The following SQLE variants were observed in gnomAD, a reference collection of about 807,000 sequenced individuals.
SQLE encodes squalene epoxidase.
SQLE carries 29 observed loss-of-function variants against 60.7 expected under a neutral mutation model. That is an observed-to-expected ratio of 0.48 (90% CI 0.36 to 0.65). The LOEUF (loss-of-function observed/expected upper bound fraction) is 0.65. Ranked by LOEUF, SQLE falls within the 30% of genes least tolerant of loss-of-function variation. The probability of loss-of-function intolerance (pLI) is 0.00; values close to 1 mark genes in which losing one functional copy is unlikely to be tolerated. For synonymous variants in SQLE, 237 were observed against 246.8 expected (o/e 0.96, Z 0.37); for missense variants, 605 against 684.1 (o/e 0.88, Z 1.29).
At chr8:125,011,052 T>C (rs1466728698) in intron 6 of SQLE, 3 of 152,280 alleles carry the variant, frequency 2.0e-5, no homozygotes, top group Non-Finnish European at 4.4e-5. Context: ...ATTTCATTTT[T>C]ATAGATGAAG....
chr8:125,020,277 GT>G (rs1399151432), intron 9 of SQLE, among the ~76,000 whole-genome samples: 2 of 152,122 alleles, frequency 1.3e-5, no homozygotes, highest in African/African-American at 2.4e-5. Context: ...GGTTAAAAAG[GT>G]TATCAATTGA....
intron 1 of SQLE, among the ~76,000 whole-genome samples, chr8:125,001,551 G>A (rs1814853213): frequency 6.6e-6 from 1 of 151,486 alleles, no homozygotes; most frequent in East Asian, 1.9e-4. Context: ...AAAGGGGCTT[G>A]TCTTGCCCCC....
At chr8:125,006,004 G>A (rs538445357) in intron 3 of SQLE, among the ~76,000 whole-genome samples, 2 of 152,290 alleles carry the variant, frequency 1.3e-5, no homozygotes, top group South Asian at 4.1e-4. Flanking sequence ...TAAGGCATAA[G>A]TCCATTTGTG....
intron 7 of SQLE, among the ~76,000 whole-genome samples, chr8:125,013,345 GTTTTCT>G (rs201803850): frequency 4.1e-5 from 4 of 97,448 alleles, no homozygotes; most frequent in Non-Finnish European, 7.5e-5. Flanking sequence ...TTACTCCTAT[GTTTTCT>G]TTTTCTTTTT....
At chr8:125,019,002 G>A (rs1815158212) in intron 9 of SQLE, 1 of 317,974 alleles carries the variant, frequency 3.1e-6, no homozygotes, top group Non-Finnish European at 5.7e-6. Flanking sequence ...GATCATGCTT[G>A]TCCTCACACA....
At position 124,998,927 on chromosome 8, in the gene SQLE, G is replaced by T; in HGVS notation, c.-477G>T. 2.8e-6 allele frequency: 1 copy of T among 351,724 alleles called. No individual in the cohort carries two copies. 21.8% of individuals were successfully genotyped at this position (351,724 alleles called of 1,614,324 possible). On this transcript the variant is annotated 5_prime_UTR_variant, in exon 1 of 11. Coordinates refer to ENST00000265896, the MANE Select transcript of SQLE (RefSeq NM_003129.4). ...CGGCCGCTGCTCGCCGTCGCCAGAG[G>T]CTAGGCCACGTTTCCCCCAGTGCCG... is the stretch of plus-strand genomic sequence containing the variant.
chr8:125,016,313 CCT>C lies in SQLE; in HGVS notation c.1205-1743_1205-1742del, dbSNP rs757650186. Among the ~76,000 whole-genome samples the C allele has an allele frequency of 4.0e-5, 6 of 151,846 alleles. No individual in the cohort carries two copies. Among genetic ancestry groups the C allele is most frequent in the Non-Finnish European group, 8.8e-5 (6 of 67,976 alleles). Reference sequence around the variant, plus strand: ...TTGATTATTCTTTTTTCTTTTGTCTCCTCTGTGTATTTTCAAATAGCCTGTTT... The same window carrying C: ...TTGATTATTCTTTTTTCTTTTGTCTCCTGTGTATTTTCAAATAGCCTGTTT... On this transcript the variant is annotated intron_variant, in intron 7 of 10. Coordinates refer to ENST00000265896, the MANE Select transcript of SQLE (RefSeq NM_003129.4). This position sits in a 1 kb window ranked among gnomAD's most constrained non-coding sequence, Gnocchi z 4.1.
chr8:125,000,149 A>G, intron 1 of SQLE: 1 of 417,504 alleles, frequency 2.4e-6, no homozygotes, highest in Non-Finnish European at 4.7e-6. Flanking sequence ...CAGAAGGAGA[A>G]TGCTCAACAT....
intron 3 of SQLE, 119 bp from the exon 4 acceptor site, chr8:125,007,272 C>T (rs868462011): frequency 4.8e-5 from 26 of 544,286 alleles, no homozygotes; most frequent in African/African-American, 9.6e-5. Context: ...ACATTGGACA[C>T]GTGTTTGCAC....
At position 125,018,199 on chromosome 8, in the gene SQLE, G is replaced by A. The variant is rs200005717; in HGVS notation, c.1345G>A (p.Glu449Lys). 205 of 1,607,892 alleles carry A rather than the reference G, an allele frequency of 1.3e-4. No homozygotes were observed. Among genetic ancestry groups the A allele is most frequent in the East Asian group, 3.6e-4 (16 of 44,836 alleles). Residue 449 changes from glutamate to lysine, a missense_variant and splice_region_variant, in exon 8 of 11, where the codon GAG becomes AAG. Glu to Lys is a moderately conservative substitution (Grantham distance 56, BLOSUM62 1). Coordinates refer to ENST00000265896, the MANE Select transcript of SQLE (RefSeq NM_003129.4). ...CCTTTATGATGATGCAGCTATTTTC[G>A]AGGTAAGATCAATTATTTTGACAAA... ...PDLYDDAAIFEAKKSFYWARK... is the reference protein window; with the variant it reads ...PDLYDDAAIFKAKKSFYWARK...
rs1359014959 is a variant in SQLE at position 125,016,900 on chromosome 8, A to G, written c.1205-1159A>G. On this transcript the variant is annotated intron_variant, in intron 7 of 10. Coordinates refer to ENST00000265896, the MANE Select transcript of SQLE (RefSeq NM_003129.4). The surrounding 1 kb of genome is among the most constrained non-coding windows in gnomAD (Gnocchi z 4.1). ...GGTACCGCCTTGGTGGTCTTGGGTAATATCTGGGAGAATTCCCTGGATTAT... is the reference window on the plus strand; with the variant it reads ...GGTACCGCCTTGGTGGTCTTGGGTAGTATCTGGGAGAATTCCCTGGATTAT... Among the ~76,000 whole-genome samples, 1 of 152,154 alleles carries G rather than the reference A, an allele frequency of 6.6e-6. No individual in the cohort carries two copies. The highest frequency in any genetic ancestry group is 2.4e-5 in the African/African-American group (1 of 41,444).
intron 6 of SQLE, among the ~76,000 whole-genome samples, chr8:125,009,874 G>T (rs1386691320): frequency 6.6e-6 from 1 of 152,042 alleles, no homozygotes; most frequent in African/African-American, 2.4e-5. Flanking sequence ...GGCATATATG[G>T]TATTTTTAAA....
Position 124,999,256 on chromosome 8 carries a change from G to A in SQLE, c.-148G>A, listed in dbSNP as rs1814800374. On this transcript the variant is annotated 5_prime_UTR_variant, in exon 1 of 11. Transcript: ENST00000265896. ...TTATATGATTTTTAAAAACTGGTCT[G>A]ATCGGACTTCTCGTCCTGGGACACT... The A allele has an allele frequency of 1.5e-6, 1 of 685,008 alleles. No individual in the cohort carries two copies. The allele number at this position is 685,008 out of a possible 1,614,324, so 42.4% of individuals were successfully genotyped here.
At chr8:125,004,808 G>A (rs1191296102) in intron 2 of SQLE, among the ~76,000 whole-genome samples, 2 of 151,210 alleles carry the variant, frequency 1.3e-5, no homozygotes, top group Non-Finnish European at 2.9e-5. Flanking sequence ...TCTAATTTTC[G>A]GTTGGCACTT....
At chr8:125,017,883 A>T (rs1480044349) in intron 7 of SQLE, 176 bp from the exon 8 acceptor site, 2 of 690,168 alleles carry the variant, frequency 2.9e-6, no homozygotes, top group African/African-American at 1.8e-5. Context: ...CCCAACATTG[A>T]TTCAAACAAC....
intron 6 of SQLE, among the ~76,000 whole-genome samples, chr8:125,009,603 C>G (rs778987458): frequency 6.6e-6 from 1 of 152,130 alleles, no homozygotes; most frequent in Non-Finnish European, 1.5e-5. Flanking sequence ...CAAGACCAGC[C>G]TGACCAACAT....
chr8:125,011,363 TAATG>T (rs1430723670), intron 6 of SQLE, 170 bp from the exon 7 acceptor site: 1 of 461,058 alleles, frequency 2.2e-6, no homozygotes, highest in Non-Finnish European at 3.8e-6. Context: ...GCTAAGTGCT[TAATG>T]AATAATTTTA....
At chr8:125,013,443 C>G (rs764985727) in intron 7 of SQLE, among the ~76,000 whole-genome samples, 1 of 150,992 alleles carries the variant, frequency 6.6e-6, no homozygotes, top group Non-Finnish European at 1.5e-5. Flanking sequence ...ACCTCGGCCT[C>G]CCAGGTTCAA....
In SQLE at chr8:125,009,222, G is replaced by A. The variant is rs372124586; in HGVS notation, c.987G>A (p.Pro329=). ...ANHAELILAN[P]SPVLIYQISS... is the part of the protein sequence containing the mutation. ...ATGCTGAACTTATTTTAGCTAACCC[G>A]AGTCCAGTTCTCATCTACCAGATTT... The change falls in exon 6 of 11, where the codon CCG becomes CCA. Residue 329 remains proline (P), a synonymous_variant. Coordinates refer to ENST00000265896, the MANE Select transcript of SQLE (RefSeq NM_003129.4). 33 of 1,613,688 alleles carry A rather than the reference G, an allele frequency of 2.0e-5. No homozygotes were observed. In the African/African-American group the frequency reaches 3.6e-4, roughly 18 times the overall value.
Sources: gnomAD v4.1 joint callset for allele counts (sites outside exome capture counted in the v4.1 genomes callset) on GRCh38, gnomAD v4.1.1 for gene constraint, Gnocchi (gnomAD v3.1) non-coding constraint, MANE v1.5 for transcripts, NCBI Gene and HGNC (gene_info 2026-07-23, HGNC 2026-07-21) for gene names.